The following GGACT variants were observed in gnomAD, a reference collection of about 807,000 sequenced individuals.
The protein encoded by GGACT is gamma-glutamylamine cyclotransferase.
For missense variants in GGACT, 241 were observed against 233.2 expected (o/e 1.03, Z -0.22); for synonymous variants, 118 against 115.3 (o/e 1.02, Z -0.15).
chr13:100,583,269 C>A (rs1875469556), intron 2 of GGACT, among the ~76,000 whole-genome samples: 1 of 151,988 alleles, frequency 6.6e-6, no homozygotes, highest in Non-Finnish European at 1.5e-5. Context: ...TCTTTCTAAG[C>A]AAAACACAAA....
chr13:100,585,559 G>A (rs1431053554), intron 1 of GGACT, among the ~76,000 whole-genome samples: 2 of 152,008 alleles, frequency 1.3e-5, no homozygotes, highest in African/African-American at 2.4e-5. Context: ...CTTGAGTTCA[G>A]GAGCTCCAGA....
rs2088596919 is a variant in GGACT, at chr13:100,545,561, T to C, written c.-10-12960A>G. Among the ~76,000 whole-genome samples the C allele has an allele frequency of 6.6e-6, 1 of 152,214 alleles. No individual in the cohort carries two copies. The highest frequency in any genetic ancestry group is 2.4e-5 in the African/African-American group (1 of 41,456). Reference sequence around the variant, plus strand: ...TGAATCTAGAAGGTGCCCTCAGGGTTTATTAAGCACACCCTGGGCTGCCTG... The same window carrying C: ...TGAATCTAGAAGGTGCCCTCAGGGTCTATTAAGCACACCCTGGGCTGCCTG... On this transcript the variant is annotated intron_variant, in intron 2 of 2. Coordinates refer to ENST00000683975, the MANE Select transcript of GGACT (RefSeq NM_001195087.2). The surrounding 1 kb of genome is among the most constrained non-coding windows in gnomAD (Gnocchi z 4.4).
intron 2 of GGACT, among the ~76,000 whole-genome samples, chr13:100,579,884 A>T (rs1170231513): frequency 6.6e-6 from 1 of 152,176 alleles, no homozygotes; most frequent in Non-Finnish European, 1.5e-5. Flanking sequence ...CCCTTATGAC[A>T]GGGTAGAGAG....
At chr13:100,558,302 A>T (rs1566534611) in intron 2 of GGACT, among the ~76,000 whole-genome samples, 1 of 152,160 alleles carries the variant, frequency 6.6e-6, no homozygotes, top group Non-Finnish European at 1.5e-5. Context: ...ACACAGCAAG[A>T]CTACCTCTCC....
intron 2 of GGACT, chr13:100,539,911 T>G: frequency 7.3e-7 from 1 of 1,377,642 alleles, no homozygotes; most frequent in South Asian, 1.2e-5. Context: ...TTACATGGGC[T>G]TTGGTGGGGG....
At chr13:100,579,933 G>C (rs534348724) in intron 2 of GGACT, 2 of 152,338 alleles carry the variant, frequency 1.3e-5, no homozygotes, top group South Asian at 4.1e-4. Flanking sequence ...TGAATCAGAA[G>C]GTTCTGAGCA....
chr13:100,564,068 C>CA (rs1737379708), intron 2 of GGACT, among the ~76,000 whole-genome samples: 1 of 152,174 alleles, frequency 6.6e-6, no homozygotes, highest in Middle Eastern at 3.2e-3. Flanking sequence ...GTTGAGTTCC[C>CA]AAAATGCATG....
chr13:100,540,904 G>A (rs933087510), intron 2 of GGACT, among the ~76,000 whole-genome samples: 1 of 152,248 alleles, frequency 6.6e-6, no homozygotes, highest in African/African-American at 2.4e-5. Context: ...CGGGCTGGGA[G>A]GGGTGACACT....
rs1341698441 is a variant in GGACT, at chr13:100,531,237, G to T, written c.*893C>A. The T allele has an allele frequency of 6.7e-6, 1 of 149,442 alleles. No homozygotes were observed. Among genetic ancestry groups the T allele is most frequent in the African/African-American group, 2.5e-5 (1 of 40,504 alleles). The allele number at this position is 149,442 out of a possible 1,614,324, so 9.3% of individuals were successfully genotyped here. On this transcript the variant is annotated 3_prime_UTR_variant, in exon 3 of 3. Coordinates refer to ENST00000683975, the MANE Select transcript of GGACT (RefSeq NM_001195087.2). The stretch of plus-strand genomic sequence containing the variant: ...GGAGGTGGGTAGTAATTGGTACTTC[G>T]TGCCTTGCTAAAATTATTTTAAGTG...
chr13:100,573,287 T>C (rs1158739278), intron 2 of GGACT, among the ~76,000 whole-genome samples: 1 of 152,164 alleles, frequency 6.6e-6, no homozygotes, highest in Non-Finnish European at 1.5e-5. Context: ...TAAGGCCCAA[T>C]ACTCTTCCAT....
At chr13:100,578,658 T>C (rs1168411404) in intron 2 of GGACT, among the ~76,000 whole-genome samples, 7 of 152,250 alleles carry the variant, frequency 4.6e-5, no homozygotes, top group Non-Finnish European at 2.9e-5. Flanking sequence ...CCATTCTTTG[T>C]TCATTTATGA....
At chr13:100,563,860 A>G (rs555310564) in intron 2 of GGACT, among the ~76,000 whole-genome samples, 9 of 152,162 alleles carry the variant, frequency 5.9e-5, no homozygotes, top group Non-Finnish European at 1.3e-4. Flanking sequence ...TGCTGGAAAG[A>G]GGGGAAAGGA....
At position 100,532,599 on chromosome 13, in the gene GGACT, G is replaced by C. The variant is rs1448844457; in HGVS notation, c.-8C>G. The C allele has an allele frequency of 1.0e-5, 16 of 1,526,656 alleles. No individual in the cohort carries two copies. The highest frequency in any genetic ancestry group is 1.4e-5 in the Non-Finnish European group (16 of 1,131,048). The allele number at this position is 1,526,656 out of a possible 1,614,324, so 94.6% of individuals were successfully genotyped here. A position where few individuals can be genotyped will look rare whatever the true frequency, so the allele number is the denominator to read the frequency against. On this transcript the variant is annotated splice_region_variant and 5_prime_UTR_variant, in exon 3 of 3. Transcript: ENST00000683975. ...CACGAAGACTAGGGCCATCCGGGCA[G>C]AGCTGCAGGGAGAGGGGAAGTCACA...
At chr13:100,550,299 T>TACACACACACAC (rs755235689) in intron 2 of GGACT, among the ~76,000 whole-genome samples, 1 of 27,264 alleles carries the variant, frequency 3.7e-5, no homozygotes, top group Non-Finnish European at 6.6e-5. Flanking sequence ...GATTATACTC[T>TACACACACACAC]ACACACACAC....
rs1005750747 is a variant in GGACT, at chr13:100,530,714, C to CT, written c.*1415dup. ...TGGCAATCCCTTTCCTGCTGTGTCT[C>CT]TATGTGGGTGTACTGTTGGTGGCTG... On this transcript the variant is annotated 3_prime_UTR_variant, in exon 3 of 3. Transcript: ENST00000683975. 1 of 214,700 alleles carries CT rather than the reference C, an allele frequency of 4.7e-6. No homozygotes were observed. Among genetic ancestry groups the CT allele is most frequent in the African/African-American group, 2.3e-5 (1 of 42,592 alleles). 13.3% of individuals were successfully genotyped at this position (214,700 alleles called of 1,614,324 possible).
chr13:100,573,644 T>C (rs1327734774), intron 2 of GGACT, among the ~76,000 whole-genome samples: 1 of 152,082 alleles, frequency 6.6e-6, no homozygotes, highest in Non-Finnish European at 1.5e-5. Context: ...AGGGCCACTG[T>C]GCTTGGCCTA....
chr13:100,579,813 T>C (rs753997896), intron 2 of GGACT, among the ~76,000 whole-genome samples: 1 of 152,258 alleles, frequency 6.6e-6, no homozygotes, highest in Non-Finnish European at 1.5e-5. Context: ...CATTTAAAAC[T>C]ATGATTGAAC....
intron 2 of GGACT, among the ~76,000 whole-genome samples, chr13:100,572,887 G>T (rs1321176602): frequency 6.6e-6 from 1 of 152,126 alleles, no homozygotes; most frequent in Non-Finnish European, 1.5e-5. Context: ...TTGCTTTCCT[G>T]AACGAATATC....
intron 2 of GGACT, among the ~76,000 whole-genome samples, chr13:100,542,618 C>T (rs866914150): frequency 3.9e-5 from 6 of 152,104 alleles, no homozygotes; most frequent in African/African-American, 1.4e-4. Flanking sequence ...AGGATAAGGG[C>T]GGCCTGCTGC....
Sources: gnomAD v4.1 joint callset for allele counts (sites outside exome capture counted in the v4.1 genomes callset) on GRCh38, gnomAD v4.1.1 for gene constraint, Gnocchi (gnomAD v3.1) non-coding constraint, MANE v1.5 for transcripts, NCBI Gene and HGNC (gene_info 2026-07-23, HGNC 2026-07-21) for gene names.